Variants in BMPR1B observed in about 807,000 individuals in gnomAD.
BMPR1B encodes bone morphogenetic protein receptor type-1B.
Under a neutral mutation model 59.1 loss-of-function variants are expected in BMPR1B, and 12 were observed. The observed-to-expected ratio is 0.20, with a 90% confidence interval of 0.13 to 0.33. BMPR1B has a LOEUF of 0.33. BMPR1B is among the 10% of genes least tolerant of loss of function. BMPR1B has a pLI of 1.00. For synonymous variants in BMPR1B, 237 were observed against 207.3 expected, an observed-to-expected ratio of 1.14 and a Z score of -1.23; for missense variants, 550 against 610.9, an observed-to-expected ratio of 0.90 and a Z score of 1.05.
chr4:95,102,516 A>G (rs921396080), intron 3 of BMPR1B, among the ~76,000 whole-genome samples: 1 of 152,202 alleles, frequency 6.6e-6, no homozygotes, highest in African/African-American at 2.4e-5. Flanking sequence ...ATAAATTTTA[A>G]ATACTCTATT....
At chr4:94,942,368 T>C (rs1560558961) in intron 2 of BMPR1B, among the ~76,000 whole-genome samples, 1 of 152,232 alleles carries the variant, frequency 6.6e-6, no homozygotes, top group East Asian at 1.9e-4. Context: ...TTTAAAATTA[T>C]TTGGTTAGTG....
chr4:95,057,056 G>A (rs1579003677), intron 3 of BMPR1B, among the ~76,000 whole-genome samples: 1 of 152,104 alleles, frequency 6.6e-6, no homozygotes, highest in South Asian at 2.1e-4. Flanking sequence ...TGGAAGCTAA[G>A]CTTCTCAGAA....
At position 95,140,050 on chromosome 4, in the gene BMPR1B, C is replaced by T. The variant is rs192097385; in HGVS notation, c.1076+8538C>T. Among the ~76,000 whole-genome samples, 18 of 152,254 alleles carry T rather than the reference C, an allele frequency of 1.2e-4. No homozygotes were observed. In the East Asian group the frequency reaches 2.3e-3, roughly 20 times the overall value. On this transcript the variant is annotated intron_variant, in intron 10 of 12. Transcript: ENST00000515059. Reference sequence around the variant, plus strand: ...GCTATAGACTGGAGCTGTTCCTATTCGGCCATCTTGTAACTTCCCCACCTG... The same window carrying T: ...GCTATAGACTGGAGCTGTTCCTATTTGGCCATCTTGTAACTTCCCCACCTG...
chr4:94,825,765 T>C (rs904727071), intron 1 of BMPR1B, among the ~76,000 whole-genome samples: 2 of 152,136 alleles, frequency 1.3e-5, no homozygotes, highest in Admixed American at 1.3e-4. Flanking sequence ...CTTTGCAGAA[T>C]GTGGAAAGAA....
rs1010493022 is a variant in BMPR1B, at chr4:94,971,482, A to G, written c.-112-24558A>G. ...CAATAAAAGTGTGATGGTTAAACAT[A>G]CAATATTTTAATTTAATTCAGAGGT... On this transcript the variant is annotated intron_variant, in intron 2 of 12. Transcript: ENST00000515059. 1.9e-3 allele frequency among the ~76,000 whole-genome samples: 290 copies of G among 152,224 alleles called. 5 individuals are homozygous for G. Among genetic ancestry groups the G allele is most frequent in the Non-Finnish European group, 1.3e-3 (87 of 67,964 alleles).
intron 1 of BMPR1B, among the ~76,000 whole-genome samples, chr4:94,868,202 TCAGTCACC>T (rs1273794597): frequency 1.3e-5 from 2 of 151,302 alleles, no homozygotes; most frequent in Admixed American, 6.6e-5. Flanking sequence ...GGGGTCTCAC[TCAGTCACC>T]CAGACAGGAG....
At chr4:95,127,044 C>CTGTGTG (rs6148578) in intron 8 of BMPR1B, among the ~76,000 whole-genome samples, 2,177 of 146,450 alleles carry the variant, frequency 0.015, 38 homozygotes, top group African/African-American at 0.048. Flanking sequence ...AGAATTAAGA[C>CTGTGTG]TGTGTGTGTG....
At chr4:94,994,062 A>G (rs1721910850) in intron 2 of BMPR1B, among the ~76,000 whole-genome samples, 1 of 152,232 alleles carries the variant, frequency 6.6e-6, no homozygotes, top group Non-Finnish European at 1.5e-5. Flanking sequence ...TACATATTTT[A>G]CCACAGGTGA....
chr4:95,015,149 G>T lies in BMPR1B; in HGVS notation c.-18+19015G>T, dbSNP rs567385059. 8.4e-4 allele frequency among the ~76,000 whole-genome samples: 128 copies of T among 152,292 alleles called. 1 individual carries two copies. In the South Asian group the frequency reaches 0.025, roughly 30 times the overall value. On this transcript the variant is annotated intron_variant, in intron 3 of 12. Coordinates refer to ENST00000515059, the MANE Select transcript of BMPR1B (RefSeq NM_001203.3). ...GGCAGGTAAAATTGCTGCCACCTCA[G>T]CACCCATAAACATACAGGGTGTGCT...
In BMPR1B at chr4:94,878,029, A is replaced by T. The variant is rs558881933; in HGVS notation, c.-113+2129A>T. ...ATTGATGAATGGTCTTATAAAAAAA[A>T]TTTTAATGGCTCTATCATCTTGTAT... On this transcript the variant is annotated intron_variant, in intron 2 of 12. Transcript: ENST00000515059. Among the ~76,000 whole-genome samples the T allele has an allele frequency of 2.1e-3, 324 of 152,212 alleles. 1 individual carries two copies. The highest frequency in any genetic ancestry group is 6.7e-3 in the African/African-American group (280 of 41,560).
chr4:94,927,515 T>C (rs1288048508), intron 2 of BMPR1B, among the ~76,000 whole-genome samples: 3 of 152,152 alleles, frequency 2.0e-5, no homozygotes, highest in Non-Finnish European at 2.9e-5. Flanking sequence ...GAGATTATTA[T>C]TGAAGGATCA....
At chr4:95,022,164 C>G (rs564390692) in intron 3 of BMPR1B, among the ~76,000 whole-genome samples, 1 of 152,132 alleles carries the variant, frequency 6.6e-6, no homozygotes. Flanking sequence ...ATAAGGAAAC[C>G]TGTGTCTAAA....
chr4:95,145,763 G>T (rs1028756289), intron 10 of BMPR1B, among the ~76,000 whole-genome samples: 4 of 152,198 alleles, frequency 2.6e-5, no homozygotes, highest in Non-Finnish European at 5.9e-5. Flanking sequence ...ATCAGATATG[G>T]ATTACCTATA....
intron 6 of BMPR1B, among the ~76,000 whole-genome samples, chr4:95,118,339 T>C (rs947285307): frequency 3.0e-4 from 46 of 152,098 alleles, no homozygotes; most frequent in African/African-American, 1.0e-3. Context: ...GACTCTACCA[T>C]ATACACATGT....
chr4:95,007,388 A>C (rs1722920803), intron 3 of BMPR1B, among the ~76,000 whole-genome samples: 1 of 152,098 alleles, frequency 6.6e-6, no homozygotes, highest in Admixed American at 6.6e-5. Context: ...CTTTTCAGGA[A>C]CTCTGTTAGG....
At chr4:95,108,066 A>T (rs1484411569) in intron 4 of BMPR1B, among the ~76,000 whole-genome samples, 2 of 152,116 alleles carry the variant, frequency 1.3e-5, no homozygotes, top group Non-Finnish European at 2.9e-5. Context: ...ATACTTTGCT[A>T]AATTATAATA....
chr4:94,869,945 A>T (rs17022400), intron 1 of BMPR1B, among the ~76,000 whole-genome samples: 5,746 of 152,274 alleles, frequency 0.038, 352 homozygotes, highest in African/African-American at 0.13. Flanking sequence ...GAATACATTA[A>T]TAGTAGTACT....
intron 1 of BMPR1B, among the ~76,000 whole-genome samples, chr4:94,759,936 AC>A (rs1392818152): frequency 6.6e-6 from 1 of 152,194 alleles, no homozygotes. Context: ...TGCATAATGT[AC>A]CTTTGTGTTT....
chr4:95,105,224 G>T (rs528389150), intron 4 of BMPR1B, among the ~76,000 whole-genome samples: 1 of 152,030 alleles, frequency 6.6e-6, no homozygotes, highest in Non-Finnish European at 1.5e-5. Context: ...ACTCCTTACG[G>T]TAAGGTCAAC....
Sources: allele counts gnomAD v4.1 joint callset (sites outside exome capture counted in the v4.1 genomes callset), GRCh38; gene constraint gnomAD v4.1.1; transcripts MANE v1.5; gene names NCBI Gene and HGNC (gene_info 2026-07-23, HGNC 2026-07-21).